Variants in ASB7 observed in about 807,000 individuals in gnomAD.
ASB7 encodes ankyrin repeat and SOCS box containing 7, also known as ankyrin repeat and SOCS box protein 7.
A neutral mutation model predicts 32.5 loss-of-function variants in ASB7; 4 were observed. The ratio of observed to expected loss-of-function variants is 0.12; its 90% CI spans 0.06 to 0.28. The LOEUF (loss-of-function observed/expected upper bound fraction) is 0.28. Among genes scored for constraint, ASB7 ranks in the 10% least tolerant of loss-of-function variants. ASB7 has a pLI of 1.00. For synonymous variants in ASB7, 172 were observed against 155.6 expected (o/e 1.11, Z -0.78); for missense variants, 181 against 407.1 (o/e 0.44, Z 4.78).
At position 100,649,195 on chromosome 15, in the gene ASB7, T is replaced by A. The variant is rs867129684; in HGVS notation, c.*733T>A. ...AAAATTAACGGGAAAGAAAATAACT[T>A]TGTGAAGCCAGTGTATTCTGTTTTT... On this transcript the variant is annotated 3_prime_UTR_variant, in exon 6 of 6. Transcript: ENST00000332783. The A allele has an allele frequency of 6.6e-6, 1 of 152,614 alleles. No homozygotes were observed. Among genetic ancestry groups the A allele is most frequent in the Non-Finnish European group, 1.5e-5 (1 of 68,038 alleles). The allele number at this position is 152,614 out of a possible 1,614,324, so 9.5% of individuals were successfully genotyped here.
intron 3 of ASB7, among the ~76,000 whole-genome samples, chr15:100,611,484 C>CTTTTTTTTTTTTTTTTTTTT (rs61153969): frequency 0.04 from 3,105 of 76,922 alleles, 951 homozygotes; most frequent in East Asian, 0.1. Context: ...TGTTTCGATT[C>CTTTTTTTTTTTTTTTTTTTT]TTTTTTTTTT....
intron 4 of ASB7, among the ~76,000 whole-genome samples, chr15:100,624,113 C>T (rs940265495): frequency 3.9e-5 from 6 of 151,960 alleles, no homozygotes; most frequent in Admixed American, 3.3e-4. Flanking sequence ...GTTGGCCTCT[C>T]GATAGTAGAG....
chr15:100,618,160 A>G (rs1415816932), intron 4 of ASB7, among the ~76,000 whole-genome samples: 9 of 152,178 alleles, frequency 5.9e-5, no homozygotes. Context: ...TCTGTCACAC[A>G]GGCTGGAGTG....
chr15:100,642,879 A>G (rs2039971090), intron 5 of ASB7, among the ~76,000 whole-genome samples: 1 of 152,202 alleles, frequency 6.6e-6, no homozygotes. Context: ...TCTGTTAAAA[A>G]TACAAAAATT....
intron 4 of ASB7, among the ~76,000 whole-genome samples, chr15:100,615,347 G>A (rs1372676881): frequency 6.6e-6 from 1 of 152,172 alleles, no homozygotes; most frequent in East Asian, 1.9e-4. Context: ...GCATATTCAT[G>A]GAGTTGGATA....
intron 4 of ASB7, among the ~76,000 whole-genome samples, chr15:100,627,742 G>A (rs1396021514): frequency 1.3e-5 from 2 of 152,166 alleles, no homozygotes; most frequent in Non-Finnish European, 2.9e-5. Flanking sequence ...GTGAAAAGAA[G>A]GTATTCTTAA....
rs2040033622 is a variant in ASB7 at position 100,651,699 on chromosome 15, A to C, written c.*3237A>C. On this transcript the variant is annotated 3_prime_UTR_variant, in exon 6 of 6. Coordinates refer to ENST00000332783, the MANE Select transcript of ASB7 (RefSeq NM_198243.3). Reference sequence around the variant, plus strand: ...AATTAAAAAAATCAAATCTGATTTAAAACATGTTGGAGTTGTATTTTATTT... The same window carrying C: ...AATTAAAAAAATCAAATCTGATTTACAACATGTTGGAGTTGTATTTTATTT... 6.6e-6 allele frequency: 1 copy of C among 152,230 alleles called. No individual in the cohort carries two copies. Among genetic ancestry groups the C allele is most frequent in the African/African-American group, 2.4e-5 (1 of 41,462 alleles). The allele number at this position is 152,230 out of a possible 1,614,324, so 9.4% of individuals were successfully genotyped here. A position where few individuals can be genotyped will look rare whatever the true frequency, so the allele number is the denominator to read the frequency against.
At chr15:100,620,366 A>AC (rs1179991823) in intron 4 of ASB7, among the ~76,000 whole-genome samples, 1 of 152,190 alleles carries the variant, frequency 6.6e-6, no homozygotes, top group African/African-American at 2.4e-5. Context: ...GTGCTAGGGA[A>AC]CACGTGGATA....
chr15:100,631,313 A>G (rs2039881930), intron 5 of ASB7, among the ~76,000 whole-genome samples: 1 of 152,188 alleles, frequency 6.6e-6, no homozygotes, highest in Non-Finnish European at 1.5e-5. Context: ...TTTCAATTTT[A>G]TTTAATTGCG....
chr15:100,616,491 C>T (rs767997972), intron 4 of ASB7, among the ~76,000 whole-genome samples: 1 of 152,120 alleles, frequency 6.6e-6, no homozygotes, highest in Non-Finnish European at 1.5e-5. Flanking sequence ...TTAATCTGTT[C>T]AGAATTGGCT....
At chr15:100,615,738 C>G (rs148184111) in intron 4 of ASB7, among the ~76,000 whole-genome samples, 114 of 152,282 alleles carry the variant, frequency 7.5e-4, no homozygotes, top group African/African-American at 2.6e-3. Flanking sequence ...CCGTTTTCTA[C>G]CTTGTAGCCA....
intron 4 of ASB7, among the ~76,000 whole-genome samples, chr15:100,626,546 A>G (rs149614510): frequency 1.8e-4 from 28 of 152,308 alleles, no homozygotes; most frequent in Admixed American, 1.8e-3. Context: ...TTTCATGTGC[A>G]TTTCACATAC....
chr15:100,604,909 A>G (rs1386530826), intron 2 of ASB7, among the ~76,000 whole-genome samples: 5 of 152,372 alleles, frequency 3.3e-5, no homozygotes, highest in Middle Eastern at 3.4e-3. Flanking sequence ...TAAAGATCAA[A>G]ATGAAGTACT....
chr15:100,614,413 T>A (rs899706302), intron 4 of ASB7, among the ~76,000 whole-genome samples: 2 of 152,210 alleles, frequency 1.3e-5, no homozygotes, highest in Non-Finnish European at 2.9e-5. Context: ...CTTAAAGACT[T>A]TTTAATAGCA....
At chr15:100,641,785 T>C (rs192910321) in intron 5 of ASB7, among the ~76,000 whole-genome samples, 2 of 152,362 alleles carry the variant, frequency 1.3e-5, no homozygotes, top group Admixed American at 1.3e-4. Flanking sequence ...CTTACACATA[T>C]TTAAAAATGT....
At chr15:100,641,973 A>T (rs547877829) in intron 5 of ASB7, among the ~76,000 whole-genome samples, 8 of 152,232 alleles carry the variant, frequency 5.3e-5, no homozygotes, top group African/African-American at 1.9e-4. Context: ...AGCCAAATCC[A>T]GGCAGCCTGG....
chr15:100,624,253 A>G (rs954263520), intron 4 of ASB7, among the ~76,000 whole-genome samples: 5 of 152,216 alleles, frequency 3.3e-5, no homozygotes, highest in African/African-American at 7.2e-5. Flanking sequence ...TAGGGTGACT[A>G]TAGTTAACAA....
chr15:100,647,177 C>T (rs1439670924), intron 5 of ASB7, among the ~76,000 whole-genome samples: 2 of 152,066 alleles, frequency 1.3e-5, no homozygotes, highest in Admixed American at 1.3e-4. Flanking sequence ...AGAGATAGCC[C>T]ACATAAAAGT....
intron 5 of ASB7, chr15:100,646,462 G>A: frequency 2.2e-6 from 1 of 464,436 alleles, no homozygotes; most frequent in South Asian, 1.6e-5. Context: ...TTTGACCAAG[G>A]GCATTCACAG....
Sources: gnomAD v4.1 joint callset for allele counts (sites outside exome capture counted in the v4.1 genomes callset) on GRCh38, gnomAD v4.1.1 for gene constraint, MANE v1.5 for transcripts, NCBI Gene and HGNC (gene_info 2026-07-23, HGNC 2026-07-21) for gene names.